RAB2A: variants seen among roughly 807,000 people sequenced by gnomAD.
The protein encoded by RAB2A is ras-related protein Rab-2A.
A neutral mutation model predicts 32.5 loss-of-function variants in RAB2A; 7 were observed. That is an observed-to-expected ratio of 0.22 (90% CI 0.12 to 0.40). The LOEUF (loss-of-function observed/expected upper bound fraction) is 0.40. Ranked by LOEUF, RAB2A falls within the 10% of genes least tolerant of loss-of-function variation. The pLI is 1.00. For missense variants in RAB2A, 108 were observed against 260.7 expected, an observed-to-expected ratio of 0.41 and a Z score of 4.03; for synonymous variants, 79 against 85.2, an observed-to-expected ratio of 0.93 and a Z score of 0.40.
At chr8:60,584,078 G>C in intron 3 of RAB2A, 130 bp from the exon 4 acceptor site, 1 of 726,354 alleles carries the variant, frequency 1.4e-6, no homozygotes, top group South Asian at 1.7e-5. Flanking sequence ...CCTAAGACTG[G>C]TGAAGTTAAG....
intron 5 of RAB2A, among the ~76,000 whole-genome samples, chr8:60,587,037 A>G (rs551506461): frequency 2.5e-4 from 38 of 152,144 alleles, no homozygotes; most frequent in Admixed American, 2.0e-3. Context: ...TTTAAAGTTT[A>G]TGTGCAAAGG....
At chr8:60,585,686 TATATG>T (rs879764448) in intron 5 of RAB2A, among the ~76,000 whole-genome samples, 1 of 152,154 alleles carries the variant, frequency 6.6e-6, no homozygotes, top group Non-Finnish European at 1.5e-5. Context: ...AATCATGACT[TATATG>T]ATAATGAAGA....
intron 6 of RAB2A, among the ~76,000 whole-genome samples, chr8:60,609,397 T>G (rs769821688): frequency 1.3e-5 from 2 of 152,212 alleles, no homozygotes; most frequent in African/African-American, 2.4e-5. Context: ...GTCCTGGGCA[T>G]GAATTCACCT....
chr8:60,619,502 T>A (rs1362562399), intron 7 of RAB2A, among the ~76,000 whole-genome samples: 3 of 152,206 alleles, frequency 2.0e-5, no homozygotes, highest in African/African-American at 7.2e-5. Context: ...CTCTATTACT[T>A]CAGTAGTCTC....
At chr8:60,535,515 T>A (rs1807543897) in intron 1 of RAB2A, among the ~76,000 whole-genome samples, 1 of 152,226 alleles carries the variant, frequency 6.6e-6, no homozygotes, top group Admixed American at 6.5e-5. Context: ...TATCACCACA[T>A]ATAAATCTCT....
intron 1 of RAB2A, among the ~76,000 whole-genome samples, chr8:60,518,474 G>T (rs1220907690): frequency 6.6e-6 from 1 of 151,928 alleles, no homozygotes; most frequent in Non-Finnish European, 1.5e-5. Context: ...TGGCCAACGT[G>T]GTGAAACCCC....
chr8:60,622,908 T>C lies in RAB2A; in HGVS notation c.*2139T>C, dbSNP rs1315562430. The C allele has an allele frequency of 6.6e-6, 1 of 152,232 alleles. No individual in the cohort carries two copies. The highest frequency in any genetic ancestry group is 2.4e-5 in the African/African-American group (1 of 41,466). The allele number at this position is 152,232 out of a possible 1,614,324, so 9.4% of individuals were successfully genotyped here. A position where few individuals can be genotyped will look rare whatever the true frequency, so the allele number is the denominator to read the frequency against. On this transcript the variant is annotated 3_prime_UTR_variant, in exon 8 of 8. Transcript: ENST00000262646. Reference sequence around the variant, plus strand: ...TCTGTTAATTGAGAAAGCAATGTTATTGTCTGTGATTTCCAGTCTTTGCTC... The same window carrying C: ...TCTGTTAATTGAGAAAGCAATGTTACTGTCTGTGATTTCCAGTCTTTGCTC...
At chr8:60,598,899 T>A (rs962281710) in intron 6 of RAB2A, among the ~76,000 whole-genome samples, 14 of 107,860 alleles carry the variant, frequency 1.3e-4, no homozygotes, top group Non-Finnish European at 2.2e-4. Context: ...TCAACATTAA[T>A]CAACATATTG....
At chr8:60,618,062 T>G (rs909843410) in intron 6 of RAB2A, among the ~76,000 whole-genome samples, 1 of 152,220 alleles carries the variant, frequency 6.6e-6, no homozygotes, top group Non-Finnish European at 1.5e-5. Flanking sequence ...CTTCATTCCT[T>G]TTTATGGCCA....
At chr8:60,615,438 A>G (rs1804433207) in intron 6 of RAB2A, among the ~76,000 whole-genome samples, 1 of 152,126 alleles carries the variant, frequency 6.6e-6, no homozygotes, top group Non-Finnish European at 1.5e-5. Context: ...TTTGTACATT[A>G]TATATATATG....
At chr8:60,617,327 T>C (rs924745344) in intron 6 of RAB2A, among the ~76,000 whole-genome samples, 4 of 152,188 alleles carry the variant, frequency 2.6e-5, no homozygotes, top group Non-Finnish European at 5.9e-5. Context: ...TTTTCTCTCT[T>C]TATCGTAAGC....
chr8:60,584,056 T>C (rs1460884873), intron 3 of RAB2A, 152 bp from the exon 4 acceptor site: 3 of 623,152 alleles, frequency 4.8e-6, no homozygotes, highest in Non-Finnish European at 8.6e-6. Context: ...TAGCGGTGTT[T>C]TGTAACTTTT....
chr8:60,519,799 C>T (rs544563628), intron 1 of RAB2A, among the ~76,000 whole-genome samples: 13 of 152,140 alleles, frequency 8.5e-5, no homozygotes, highest in Non-Finnish European at 1.6e-4. Context: ...TACTATATTC[C>T]TGTTTGTATA....
intron 5 of RAB2A, among the ~76,000 whole-genome samples, chr8:60,589,551 T>A (rs567038642): frequency 6.6e-6 from 1 of 152,198 alleles, no homozygotes; most frequent in Admixed American, 6.5e-5. Context: ...ATATAAGAAA[T>A]AGGAAGCAGA....
intron 6 of RAB2A, among the ~76,000 whole-genome samples, chr8:60,603,383 A>G (rs1034850963): frequency 1.3e-5 from 2 of 152,224 alleles, no homozygotes; most frequent in African/African-American, 4.8e-5. Context: ...GGATTGGATA[A>G]TTTACAGCAT....
At chr8:60,590,060 C>G (rs563495065) in intron 5 of RAB2A, among the ~76,000 whole-genome samples, 39 of 152,080 alleles carry the variant, frequency 2.6e-4, no homozygotes, top group Non-Finnish European at 4.4e-4. Context: ...CTCCCAGGTT[C>G]AAGCAATTCT....
At chr8:60,591,048 G>A (rs1005857096) in intron 5 of RAB2A, among the ~76,000 whole-genome samples, 1 of 151,924 alleles carries the variant, frequency 6.6e-6, no homozygotes, top group East Asian at 1.9e-4. Flanking sequence ...CTAGCTGGAA[G>A]TATGTGGACA....
intron 3 of RAB2A, among the ~76,000 whole-genome samples, chr8:60,583,078 C>T (rs1466104748): frequency 1.3e-5 from 2 of 151,864 alleles, no homozygotes; most frequent in African/African-American, 4.8e-5. Flanking sequence ...GAGGAAGGGT[C>T]AACAAGAGCA....
chr8:60,588,070 T>A (rs1296494679), intron 5 of RAB2A, among the ~76,000 whole-genome samples: 1 of 152,148 alleles, frequency 6.6e-6, no homozygotes, highest in Non-Finnish European at 1.5e-5. Context: ...CCTAGGAGTT[T>A]GAGACCAGCC....
Sources: allele counts gnomAD v4.1 joint callset (sites outside exome capture counted in the v4.1 genomes callset), GRCh38; gene constraint gnomAD v4.1.1; transcripts MANE v1.5; gene names NCBI Gene and HGNC (gene_info 2026-07-23, HGNC 2026-07-21).